The following CERS1 variants were observed in gnomAD, a reference collection of about 807,000 sequenced individuals.
CERS1 encodes Embryonic growth/differentiation factor 1.
Under a neutral mutation model 35.7 loss-of-function variants are expected in CERS1, and 16 were observed. The ratio of observed to expected loss-of-function variants is 0.45; its 90% confidence interval spans 0.30 to 0.68. CERS1 has a LOEUF of 0.68. Ranked by LOEUF, CERS1 falls within the 30% of genes least tolerant of loss-of-function variation. The pLI is 0.08. For synonymous variants in CERS1, 243 were observed against 201.6 expected (o/e 1.21, Z -1.74); for missense variants, 454 against 453.9 (o/e 1.00, Z 0.00).
chr19:18,885,119 T>C (rs547564125), intron 2 of CERS1, among the ~76,000 whole-genome samples: 1 of 152,314 alleles, frequency 6.6e-6, no homozygotes, highest in South Asian at 2.1e-4. Context: ...CCCACAGATT[T>C]CCATTTCCCT....
chr19:18,887,571 C>G (rs986255255), intron 2 of CERS1, among the ~76,000 whole-genome samples: 1 of 151,896 alleles, frequency 6.6e-6, no homozygotes, highest in African/African-American at 2.4e-5. Flanking sequence ...ATGGCGAAAC[C>G]CTGTCTGTAC....
intron 3 of CERS1, among the ~76,000 whole-genome samples, chr19:18,880,724 G>T (rs929861457): frequency 6.6e-6 from 1 of 151,696 alleles, no homozygotes; most frequent in African/African-American, 2.4e-5. Flanking sequence ...TTTGAGACAG[G>T]GTCTTGCTCT....
At chr19:18,872,756 T>C (rs2055997251) in intron 6 of CERS1, among the ~76,000 whole-genome samples, 1 of 151,614 alleles carries the variant, frequency 6.6e-6, no homozygotes, top group South Asian at 2.1e-4. Context: ...CCTCAGGTGA[T>C]CCACCCGCCT....
intron 3 of CERS1, chr19:18,883,205 G>A (rs1568300759): frequency 6.6e-6 from 1 of 152,062 alleles, no homozygotes; most frequent in African/African-American, 2.4e-5. Context: ...CCCTATTATC[G>A]CAGCTAGAGC....
At chr19:18,875,090 G>C (rs1225834133) in intron 6 of CERS1, among the ~76,000 whole-genome samples, 1 of 151,964 alleles carries the variant, frequency 6.6e-6, no homozygotes, top group Non-Finnish European at 1.5e-5. Context: ...TTTAAAATTA[G>C]CTGGATATGA....
At position 18,880,335 on chromosome 19, in the gene CERS1, A is replaced by G; in HGVS notation, c.691T>C (p.Ser231Pro). The G allele has an allele frequency of 6.4e-7, 1 of 1,555,816 alleles. No homozygotes were observed. The highest frequency in any genetic ancestry group is 1.2e-5 in the South Asian group (1 of 84,330). Residue 231 changes from serine to proline, a missense_variant, in exon 4 of 8, where the codon TCC becomes CCC. Coordinates refer to ENST00000623882, the MANE Select transcript of CERS1 (RefSeq NM_021267.5). ...GCCAAGGCATGCAGCCGATGGTAGG[A>G]GCCGCCGCGGGACTTGAAGTAAATG... ...LNIYFKSRGG[S>P]YHRLHALAAD...
At chr19:18,893,204 C>A (rs893541057) in intron 2 of CERS1, among the ~76,000 whole-genome samples, 4 of 151,128 alleles carry the variant, frequency 2.6e-5, no homozygotes, top group Non-Finnish European at 5.9e-5. Context: ...TGAGCCACTG[C>A]GCCTGGCCCT....
rs1448679066 is a variant in CERS1 at position 18,878,002 on chromosome 19, C to T, written c.1010+928G>A. 2.7e-5 allele frequency: 27 copies of T among 985,372 alleles called. No individual in the cohort carries two copies. The highest frequency in any genetic ancestry group is 5.2e-4 in the Middle Eastern group (1 of 1,936). 61.0% of individuals were successfully genotyped at this position (985,372 alleles called of 1,614,324 possible). ...CTTCCAAACAGGGTGGGGGGTCTGA[C>T]GCTCCTCTGCCTGGCTACAGCCCCG... On this transcript the variant is annotated intron_variant, in intron 6 of 7. Transcript: ENST00000623882. The surrounding 1 kb of genome is among the most constrained non-coding windows in gnomAD (Gnocchi z 4.6).
intron 1 of CERS1, among the ~76,000 whole-genome samples, chr19:18,894,341 C>T (rs900080342): frequency 8.5e-5 from 13 of 152,050 alleles, no homozygotes; most frequent in African/African-American, 2.7e-4. Context: ...CTGAGGGGGC[C>T]GGAGCCCAGA....
chr19:18,888,519 T>TG (rs2056414612), intron 2 of CERS1, among the ~76,000 whole-genome samples: 1 of 59,030 alleles, frequency 1.7e-5, no homozygotes, highest in Non-Finnish European at 3.0e-5. Context: ...CCCTGTCTCT[T>TG]AAAAAAAAAA....
At chr19:18,877,991 G>T (rs939215963) in intron 6 of CERS1, 10 of 985,256 alleles carry the variant, frequency 1.0e-5, no homozygotes, top group East Asian at 1.1e-4. Context: ...CAAACAGGGT[G>T]GGGGGTCTGA....
At chr19:18,871,924 T>G (rs780883728) in intron 6 of CERS1, among the ~76,000 whole-genome samples, 2 of 152,206 alleles carry the variant, frequency 1.3e-5, no homozygotes, top group Non-Finnish European at 2.9e-5. Flanking sequence ...CTGGGATGAC[T>G]CCAGGGATTC....
At chr19:18,869,936 G>T in intron 7 of CERS1, 47 bp downstream of exon 7, 1 of 1,527,696 alleles carries the variant, frequency 6.5e-7, no homozygotes. Flanking sequence ...CTCGCCCTGC[G>T]AGGTCTGGCC....
At chr19:18,884,550 G>C (rs1239585343) in intron 2 of CERS1, among the ~76,000 whole-genome samples, 1 of 151,756 alleles carries the variant, frequency 6.6e-6, no homozygotes, top group Non-Finnish European at 1.5e-5. Flanking sequence ...TAGGACTACA[G>C]GTGCATGCCA....
intron 6 of CERS1, among the ~76,000 whole-genome samples, chr19:18,872,509 G>A (rs1315532455): frequency 2.7e-5 from 4 of 150,656 alleles, no homozygotes; most frequent in African/African-American, 7.3e-5. Context: ...CACCATGCCC[G>A]GGGTAATTTT....
intron 2 of CERS1, among the ~76,000 whole-genome samples, chr19:18,892,013 C>A (rs988842978): frequency 1.3e-5 from 2 of 151,978 alleles, no homozygotes; most frequent in African/African-American, 4.8e-5. Context: ...CCTGACTCAG[C>A]CTCCCAAGTA....
chr19:18,870,329 G>A lies in CERS1; in HGVS notation c.*248C>T. ...GCATCTTCCTCCCAGGCGATGACCA[G>A]AGAGTGCGCAGGGTCCGCGGCGGCC... is the stretch of plus-strand genomic sequence containing the variant. On this transcript the variant is annotated 3_prime_UTR_variant, in exon 7 of 8. Coordinates refer to ENST00000623882, the MANE Select transcript of CERS1 (RefSeq NM_021267.5). The surrounding 1 kb of genome is among the most constrained non-coding windows in gnomAD (Gnocchi z 5.1). 2 of 1,544,710 alleles carry A rather than the reference G, an allele frequency of 1.3e-6. No individual in the cohort carries two copies. The highest frequency in any genetic ancestry group is 1.7e-6 in the Non-Finnish European group (2 of 1,146,220).
chr19:18,875,228 C>T (rs1253360044), intron 6 of CERS1, among the ~76,000 whole-genome samples: 13 of 138,176 alleles, frequency 9.4e-5, no homozygotes, highest in Admixed American at 6.6e-4. Context: ...AGAGTGGGAC[C>T]GTCTCTAAAA....
chr19:18,888,888 TC>T (rs1212336679), intron 2 of CERS1, among the ~76,000 whole-genome samples: 19 of 146,128 alleles, frequency 1.3e-4, no homozygotes, highest in African/African-American at 4.6e-4. Context: ...TTTCTTTCTT[TC>T]TTTTTTTTTT....
Sources: allele counts gnomAD v4.1 joint callset (sites outside exome capture counted in the v4.1 genomes callset), GRCh38; gene constraint gnomAD v4.1.1; non-coding constraint Gnocchi (gnomAD v3.1); transcripts MANE v1.5; gene names NCBI Gene and HGNC (gene_info 2026-07-23, HGNC 2026-07-21).